FAM184A: variants seen among roughly 807,000 people sequenced by gnomAD.
The protein encoded by FAM184A is family with sequence similarity 184 member A, also known as protein FAM184A.
FAM184A carries 99 observed loss-of-function variants against 143.8 expected under a neutral mutation model. The ratio of observed to expected loss-of-function variants is 0.69; its 90% CI spans 0.58 to 0.81. The LOEUF (loss-of-function observed/expected upper bound fraction) is 0.81, where lower values mean the gene tolerates loss of function less well. Among genes scored for constraint, FAM184A ranks in the 40% least tolerant of loss-of-function variants. The pLI, the probability that FAM184A is intolerant of heterozygous loss-of-function variation, is 0.00. For synonymous variants in FAM184A, 427 were observed against 446.4 expected (o/e 0.96, Z 0.55); for missense variants, 1,217 against 1,310.5 (o/e 0.93, Z 1.10).
chr6:119,050,188 T>C (rs1194144340), intron 1 of FAM184A, among the ~76,000 whole-genome samples: 1 of 152,008 alleles, frequency 6.6e-6, no homozygotes, highest in Non-Finnish European at 1.5e-5. Context: ...CAAATGCTAG[T>C]GAGGTTACAG....
At chr6:119,137,806 G>A (rs1261941394) in intron 1 of FAM184A, among the ~76,000 whole-genome samples, 1 of 152,210 alleles carries the variant, frequency 6.6e-6, no homozygotes, top group Non-Finnish European at 1.5e-5. Flanking sequence ...TGTCTCCGAT[G>A]TCTACGTGCC....
chr6:119,144,391 T>C (rs1482755532), intron 1 of FAM184A, among the ~76,000 whole-genome samples: 1 of 151,544 alleles, frequency 6.6e-6, no homozygotes, highest in Non-Finnish European at 1.5e-5. Flanking sequence ...TTGCGTCCTA[T>C]GGAAGCATTC....
chr6:119,077,424 TCA>T (rs1172087484), intron 1 of FAM184A, among the ~76,000 whole-genome samples: 2 of 152,228 alleles, frequency 1.3e-5, no homozygotes, highest in African/African-American at 4.8e-5. Context: ...TGCTCTTGCT[TCA>T]CAGATACCAA....
At chr6:118,984,592 A>G (rs1784132642) in intron 9 of FAM184A, among the ~76,000 whole-genome samples, 1 of 152,220 alleles carries the variant, frequency 6.6e-6, no homozygotes, top group South Asian at 2.1e-4. Context: ...GTATGACAGA[A>G]TGTCAATATG....
chr6:119,040,013 A>G lies in FAM184A; in HGVS notation c.160-15200T>C, dbSNP rs543293059. Among the ~76,000 whole-genome samples, 43 of 152,352 alleles carry G rather than the reference A, an allele frequency of 2.8e-4. No individual in the cohort carries two copies. The South Asian group carries it at 8.1e-3, about 29-fold the overall frequency. On this transcript the variant is annotated intron_variant, in intron 1 of 17. Transcript: ENST00000338891. ...CCCACCCTTAGGGAAAAATCATGGGAAAAAGGTGAGCCTATAAAAGTCCTA... is the reference window on the plus strand; with the variant it reads ...CCCACCCTTAGGGAAAAATCATGGGGAAAAGGTGAGCCTATAAAAGTCCTA...
rs1210693139 is a variant in FAM184A at position 119,136,263 on chromosome 6, C to T, written c.-202+12815G>A. Among the ~76,000 whole-genome samples, 16 of 118,452 alleles carry T rather than the reference C, an allele frequency of 1.4e-4. No individual in the cohort carries two copies. The Admixed American group carries it at 1.5e-3, about 11-fold the overall frequency. The allele number at this position is 118,452 out of a possible 152,430, so 77.7% of individuals were successfully genotyped here. A position where few individuals can be genotyped will look rare whatever the true frequency, so the allele number is the denominator to read the frequency against. On this transcript the variant is annotated intron_variant, in intron 1 of 16. Coordinates refer to the FAM184A transcript ENST00000352896. ...ACTGCAGTCCGCAGTCCGGCCTGGG[C>T]GACAGAGCGAGACTCCGTCTCAAAA...
Position 118,970,008 on chromosome 6 carries a change from A to ATATATATATATATATTTTTT in FAM184A, c.2916-3057_2916-3056insAAAAAATATATATATATATA. On this transcript the variant is annotated intron_variant, in intron 14 of 17. Transcript: ENST00000338891. ...ATATATATATAATATATATATATAT[A>ATATATATATATATATTTTTT]TTTTTTTTTTTTTGAGATGGAGTTT... Among the ~76,000 whole-genome samples the ATATATATATATATATTTTTT allele has an allele frequency of 2.1e-4, 4 of 19,048 alleles. 1 individual carries two copies. Among genetic ancestry groups the ATATATATATATATATTTTTT allele is most frequent in the Admixed American group, 1.5e-3 (2 of 1,316 alleles). The allele number at this position is 19,048 out of a possible 152,430, so 12.5% of individuals were successfully genotyped here. A position where few individuals can be genotyped will look rare whatever the true frequency, so the allele number is the denominator to read the frequency against.
intron 1 of FAM184A, among the ~76,000 whole-genome samples, chr6:119,128,840 AG>A (rs1789447735): frequency 6.6e-6 from 1 of 151,624 alleles, no homozygotes; most frequent in Non-Finnish European, 1.5e-5. Flanking sequence ...TGGATGGGGG[AG>A]GGGCCCTGGA....
chr6:119,061,568 A>T (rs1787250556), intron 1 of FAM184A, among the ~76,000 whole-genome samples: 1 of 99,574 alleles, frequency 1.0e-5, no homozygotes, highest in Non-Finnish European at 1.8e-5. Flanking sequence ...TGTAGAGATG[A>T]GCTCTCACTA....
chr6:119,041,223 C>T (rs188022375), intron 1 of FAM184A, among the ~76,000 whole-genome samples: 83 of 152,242 alleles, frequency 5.5e-4, no homozygotes, highest in African/African-American at 2.0e-3. Flanking sequence ...GCCGCAGACA[C>T]AAGAGATCCA....
chr6:118,971,548 TA>T (rs35440412), intron 14 of FAM184A, among the ~76,000 whole-genome samples: 2 of 151,454 alleles, frequency 1.3e-5, no homozygotes, highest in Non-Finnish European at 2.9e-5. Context: ...ATCATTCAGA[TA>T]AAAAAAAATC....
At chr6:119,068,408 G>T (rs1370692089) in intron 1 of FAM184A, among the ~76,000 whole-genome samples, 2 of 152,124 alleles carry the variant, frequency 1.3e-5, no homozygotes, top group Admixed American at 1.3e-4. Context: ...GTGGGGAGGG[G>T]ATAGTGGGTA....
At chr6:119,104,435 G>A (rs1006025891) in intron 1 of FAM184A, among the ~76,000 whole-genome samples, 7 of 152,246 alleles carry the variant, frequency 4.6e-5, no homozygotes, top group Non-Finnish European at 1.0e-4. Context: ...CAAGGATAAT[G>A]TCTCAGGTTT....
chr6:119,081,791 C>T (rs1228836748), upstream of FAM184A, among the ~76,000 whole-genome samples: 1 of 152,194 alleles, frequency 6.6e-6, no homozygotes. Flanking sequence ...CAGTCGACGG[C>T]CTGCTGGCAT....
At chr6:118,969,993 A>AT (rs1189865476) in intron 14 of FAM184A, among the ~76,000 whole-genome samples, 311 of 24,344 alleles carry the variant, frequency 0.013, 64 homozygotes, top group African/African-American at 0.029. Context: ...ATATATATAT[A>AT]ATATATATAT....
At chr6:119,047,886 C>T (rs1786600450) in intron 1 of FAM184A, among the ~76,000 whole-genome samples, 2 of 152,144 alleles carry the variant, frequency 1.3e-5, no homozygotes, top group Admixed American at 6.5e-5. Flanking sequence ...ATAAGGCCAG[C>T]ATTAGTCTGA....
chr6:119,134,310 TCAAA>T (rs958107744), intron 1 of FAM184A, among the ~76,000 whole-genome samples: 52 of 152,122 alleles, frequency 3.4e-4, no homozygotes, highest in African/African-American at 1.3e-3. Context: ...AAATGCAAAC[TCAAA>T]CTAAACTGTG....
chr6:119,107,848 A>G (rs1788829595), intron 1 of FAM184A, among the ~76,000 whole-genome samples: 1 of 151,860 alleles, frequency 6.6e-6, no homozygotes, highest in Non-Finnish European at 1.5e-5. Context: ...TCAAAGCCAG[A>G]GTTATTGTCA....
chr6:119,004,346 TG>T (rs1408527407), intron 7 of FAM184A, among the ~76,000 whole-genome samples: 6 of 152,180 alleles, frequency 3.9e-5, no homozygotes, highest in Non-Finnish European at 8.8e-5. Context: ...ATCATCCACT[TG>T]CTAATGACAT....
Sources: allele counts gnomAD v4.1 joint callset (sites outside exome capture counted in the v4.1 genomes callset), GRCh38; gene constraint gnomAD v4.1.1; transcripts MANE v1.5; gene names NCBI Gene and HGNC (gene_info 2026-07-23, HGNC 2026-07-21).